FOXP2: variants seen among roughly 807,000 people sequenced by gnomAD.
The protein encoded by FOXP2 is forkhead box P2, also known as forkhead box protein P2.
In FOXP2, 12 loss-of-function variants were observed where a neutral mutation model predicts 115.8. The ratio of observed to expected loss-of-function variants is 0.10; its 90% CI spans 0.07 to 0.17. The LOEUF (loss-of-function observed/expected upper bound fraction) is 0.17. FOXP2 is among the 10% of genes least tolerant of loss of function. The pLI is 1.00. For missense variants in FOXP2, 629 were observed against 843.5 expected (o/e 0.75, Z 3.15); for synonymous variants, 328 against 297.7 (o/e 1.10, Z -1.05).
intron 2 of FOXP2, among the ~76,000 whole-genome samples, chr7:114,391,845 A>G (rs1792609998): frequency 6.6e-6 from 1 of 152,212 alleles, no homozygotes; most frequent in Admixed American, 6.5e-5. Context: ...TTTAAATAAA[A>G]TCATTATTAA....
At chr7:114,123,279 AG>A (rs944920795) in intron 1 of FOXP2, among the ~76,000 whole-genome samples, 6 of 150,662 alleles carry the variant, frequency 4.0e-5, no homozygotes, top group African/African-American at 1.5e-4. Flanking sequence ...CCTAGAACCC[AG>A]GAGTTCCAGG....
At position 114,691,505 on chromosome 7, in the gene FOXP2, T is replaced by C. The variant is rs1808664712; in HGVS notation, c.*1579T>C. Reference sequence around the variant, plus strand: ...TCAAAGACTTGCACAGGCCAAATTGTTGGAATGCTGGTTTTCTTGACAATT... The same window carrying C: ...TCAAAGACTTGCACAGGCCAAATTGCTGGAATGCTGGTTTTCTTGACAATT... On this transcript the variant is annotated 3_prime_UTR_variant, in exon 17 of 17. Transcript: ENST00000350908. 2.2e-6 allele frequency: 1 copy of C among 453,884 alleles called. No homozygotes were observed. Among genetic ancestry groups the C allele is most frequent in the Admixed American group, 2.4e-5 (1 of 42,516 alleles). 28.1% of individuals were successfully genotyped at this position (453,884 alleles called of 1,614,324 possible).
chr7:114,098,862 GCA>G (rs1281443085), intron 1 of FOXP2, among the ~76,000 whole-genome samples: 1 of 152,200 alleles, frequency 6.6e-6, no homozygotes, highest in African/African-American at 2.4e-5. Flanking sequence ...ACTAGGCCAG[GCA>G]CAGTGGCTCA....
chr7:114,193,722 T>A (rs1793825300), intron 1 of FOXP2, among the ~76,000 whole-genome samples: 1 of 152,098 alleles, frequency 6.6e-6, no homozygotes, highest in Non-Finnish European at 1.5e-5. Flanking sequence ...ACTACCATTG[T>A]TGAGAACCAT....
At chr7:114,256,713 C>T (rs150753483) in intron 1 of FOXP2, among the ~76,000 whole-genome samples, 3 of 152,218 alleles carry the variant, frequency 2.0e-5, no homozygotes, top group South Asian at 2.1e-4. Flanking sequence ...TAATTAGATC[C>T]GATTTGTCAA....
At position 114,189,714 on chromosome 7, in the gene FOXP2, T is replaced by C. The variant is rs1033466785; in HGVS notation, c.-102+26626T>C. Among the ~76,000 whole-genome samples, 80 of 152,180 alleles carry C rather than the reference T, an allele frequency of 5.3e-4. 1 individual carries two copies. The highest frequency in any genetic ancestry group is 5.2e-3 in the Admixed American group (80 of 15,280). On this transcript the variant is annotated intron_variant, in intron 1 of 17. Transcript: ENST00000634411. ...TGGGAGACGTCACTGGGTCAAAATTTAGGCAATTTTTTAAGAGAACGTGAC... is the reference window on the plus strand; with the variant it reads ...TGGGAGACGTCACTGGGTCAAAATTCAGGCAATTTTTTAAGAGAACGTGAC...
chr7:114,126,356 A>G (rs1791708934), intron 1 of FOXP2, among the ~76,000 whole-genome samples: 1 of 152,090 alleles, frequency 6.6e-6, no homozygotes, highest in African/African-American at 2.4e-5. Context: ...ATGTGTGTGT[A>G]TGTGTCAATG....
intron 1 of FOXP2, among the ~76,000 whole-genome samples, chr7:114,229,599 G>C (rs1261871133): frequency 6.6e-6 from 1 of 151,170 alleles, no homozygotes; most frequent in Non-Finnish European, 1.5e-5. Context: ...AAGGAAAATT[G>C]GAAAATTCAC....
chr7:114,176,298 T>TCTCTCTCTCTCTCTCTCTCTC (rs1554426475), intron 1 of FOXP2, among the ~76,000 whole-genome samples: 7 of 76,510 alleles, frequency 9.1e-5, no homozygotes, highest in African/African-American at 3.8e-4. Context: ...CTTTCTTTCT[T>TCTCTCTCTCTCTCTCTCTCTC]TCTCTCTCTC....
chr7:114,117,722 C>T (rs957427331), intron 1 of FOXP2, among the ~76,000 whole-genome samples: 3 of 152,096 alleles, frequency 2.0e-5, no homozygotes, highest in African/African-American at 7.2e-5. Context: ...AGTGTCTTAG[C>T]TTGGGCTGGC....
chr7:114,100,049 A>T (rs1357908379), intron 1 of FOXP2, among the ~76,000 whole-genome samples: 1 of 152,138 alleles, frequency 6.6e-6, no homozygotes, highest in African/African-American at 2.4e-5. Context: ...AATAAAAATT[A>T]TTTTTTAAAA....
At chr7:114,474,741 G>A (rs915340390) in intron 2 of FOXP2, among the ~76,000 whole-genome samples, 1 of 152,104 alleles carries the variant, frequency 6.6e-6, no homozygotes, top group Admixed American at 6.6e-5. Context: ...AATCCATGCA[G>A]TAATTCAATA....
intron 1 of FOXP2, among the ~76,000 whole-genome samples, chr7:114,136,233 A>G (rs1792034583): frequency 6.6e-6 from 1 of 152,072 alleles, no homozygotes; most frequent in Non-Finnish European, 1.5e-5. Flanking sequence ...CTACAACAAT[A>G]ACATTTATTT....
intron 2 of FOXP2, among the ~76,000 whole-genome samples, chr7:114,520,347 T>C (rs911817303): frequency 3.3e-5 from 5 of 152,104 alleles, no homozygotes; most frequent in African/African-American, 1.2e-4. Context: ...GTTTTAAAGA[T>C]AGAGCATGAC....
At chr7:114,687,218 A>G (rs1352268457) in intron 16 of FOXP2, among the ~76,000 whole-genome samples, 3 of 152,196 alleles carry the variant, frequency 2.0e-5, no homozygotes, top group African/African-American at 7.2e-5. Context: ...CCTATGTTCT[A>G]CAAATCCAGT....
intron 1 of FOXP2, among the ~76,000 whole-genome samples, chr7:114,152,422 T>A (rs1792551120): frequency 6.6e-6 from 1 of 152,190 alleles, no homozygotes; most frequent in African/African-American, 2.4e-5. Flanking sequence ...GTAGAGTGTT[T>A]GCCCATCAGA....
chr7:114,309,341 C>A, intron 2 of FOXP2, among the ~76,000 whole-genome samples: 1 of 152,172 alleles, frequency 6.6e-6, no homozygotes, highest in East Asian at 1.9e-4. Flanking sequence ...AATCACCGTA[C>A]GAAGTGTGGC....
At chr7:114,415,852 G>A (rs1345425612) in intron 1 of FOXP2, among the ~76,000 whole-genome samples, 2 of 151,894 alleles carry the variant, frequency 1.3e-5, no homozygotes, top group African/African-American at 4.8e-5. Flanking sequence ...TGCTAAGCTT[G>A]TACAAACATG....
At chr7:114,357,073 T>C (rs1317643336) in intron 2 of FOXP2, among the ~76,000 whole-genome samples, 1 of 152,154 alleles carries the variant, frequency 6.6e-6, no homozygotes, top group Non-Finnish European at 1.5e-5. Context: ...AGAGTATTGC[T>C]CTTTTTTCTC....
Sources: allele counts gnomAD v4.1 joint callset (sites outside exome capture counted in the v4.1 genomes callset), GRCh38; gene constraint gnomAD v4.1.1; transcripts MANE v1.5; gene names NCBI Gene and HGNC (gene_info 2026-07-23, HGNC 2026-07-21).